FNIP2: variants seen among roughly 807,000 people sequenced by gnomAD.
FNIP2 encodes the protein folliculin-interacting protein 2.
A neutral mutation model predicts 108.7 loss-of-function variants in FNIP2; 32 were observed. The observed-to-expected ratio is 0.29, with a 90% CI of 0.22 to 0.40. FNIP2 has a LOEUF of 0.40. FNIP2 is among the 10% of genes least tolerant of loss of function. FNIP2 has a pLI of 1.00. For missense variants in FNIP2, 1,202 were observed against 1,381.6 expected, an observed-to-expected ratio of 0.87 and a Z score of 2.06; for synonymous variants, 480 against 496.7, an observed-to-expected ratio of 0.97 and a Z score of 0.45.
intron 7 of FNIP2, chr4:158,836,702 G>A: frequency 6.7e-6 from 1 of 149,110 alleles, no homozygotes; most frequent in African/African-American, 2.5e-5. Context: ...TATAGTCCTA[G>A]CTACTCAGGA....
At position 158,826,010 on chromosome 4, in the gene FNIP2, G is replaced by T. The variant is rs1250518766; in HGVS notation, c.202G>T (p.Ala68Ser). The T allele has an allele frequency of 3.7e-6, 6 of 1,608,378 alleles. No individual in the cohort carries two copies. The highest frequency in any genetic ancestry group is 5.1e-6 in the Non-Finnish European group (6 of 1,175,380). Reference sequence around the variant, plus strand: ...CAGACAAGTCTTGTTTGACTCTAAAGCTGTTCAAAAGATTGAGGAGGTGAC... The same window carrying T: ...CAGACAAGTCTTGTTTGACTCTAAATCTGTTCAAAAGATTGAGGAGGTGAC... ...RGRQVLFDSK[A>S]VQKIEEVTAQ... The change falls in exon 2 of 17, where the codon GCT becomes TCT. Residue 68 changes from alanine (A) to serine (S), a missense_variant. Coordinates refer to ENST00000264433, the MANE Select transcript of FNIP2 (RefSeq NM_020840.3).
chr4:158,896,585 A>C (rs1423347435), intron 16 of FNIP2, among the ~76,000 whole-genome samples: 1 of 152,130 alleles, frequency 6.6e-6, no homozygotes, highest in Non-Finnish European at 1.5e-5. Context: ...TAAATTATCT[A>C]AGCCTCCTAA....
At chr4:158,869,472 C>T (rs756151578) in intron 13 of FNIP2, 44 bp downstream of exon 13, 3 of 1,518,824 alleles carry the variant, frequency 2.0e-6, no homozygotes, top group Non-Finnish European at 2.6e-6. Flanking sequence ...GGGTTCAAAT[C>T]CCACTTTCCT....
chr4:158,842,284 T>C (rs928658638), intron 7 of FNIP2, among the ~76,000 whole-genome samples: 1 of 152,174 alleles, frequency 6.6e-6, no homozygotes, highest in Non-Finnish European at 1.5e-5. Flanking sequence ...AAGGAATAAA[T>C]CTAAGAAAAA....
intron 1 of FNIP2, among the ~76,000 whole-genome samples, chr4:158,817,066 C>T (rs1182594334): frequency 1.3e-5 from 2 of 152,122 alleles, no homozygotes; most frequent in Admixed American, 1.3e-4. Flanking sequence ...AAGCGATCCT[C>T]CTGCCTTGGC....
chr4:158,827,634 C>T (rs1232652289), intron 2 of FNIP2, among the ~76,000 whole-genome samples: 1 of 152,132 alleles, frequency 6.6e-6, no homozygotes, highest in Non-Finnish European at 1.5e-5. Flanking sequence ...CCTCGTGTCA[C>T]TTAGGCCCTC....
intron 16 of FNIP2, among the ~76,000 whole-genome samples, chr4:158,902,033 G>T (rs1729340323): frequency 6.6e-6 from 1 of 151,984 alleles, no homozygotes; most frequent in Admixed American, 6.6e-5. Flanking sequence ...TTCCCTTGCT[G>T]GTGAGGAGCT....
At position 158,833,508 on chromosome 4, in the gene FNIP2, C is replaced by G. The variant is rs771684629; in HGVS notation, c.555-20C>G. The G allele has an allele frequency of 1.1e-5, 16 of 1,505,228 alleles. No homozygotes were observed. In the East Asian group the frequency reaches 3.6e-4, roughly 34 times the overall value. 93.2% of individuals were successfully genotyped at this position (1,505,228 alleles called of 1,614,324 possible). On this transcript the variant is annotated intron_variant, in intron 5 of 16. Coordinates refer to ENST00000264433, the MANE Select transcript of FNIP2 (RefSeq NM_020840.3). The stretch of plus-strand genomic sequence containing the variant: ...CGTTTTTGTCCTCTTTCTCCTTTTC[C>G]CCCCCATCTCCGGATATAGCTTGCA...
intron 15 of FNIP2, 47 bp from the exon 16 acceptor site, chr4:158,895,703 A>G (rs1447938379): frequency 8.5e-7 from 1 of 1,171,022 alleles, no homozygotes; most frequent in South Asian, 1.3e-5. Flanking sequence ...AAATATTGGC[A>G]GAGATTTGAC....
intron 1 of FNIP2, among the ~76,000 whole-genome samples, chr4:158,797,379 C>T (rs1414285774): frequency 3.3e-5 from 5 of 152,290 alleles, no homozygotes; most frequent in South Asian, 2.1e-4. Context: ...GATACCAGTA[C>T]GAAGGCTATT....
At chr4:158,895,380 C>A (rs1463776815) in intron 15 of FNIP2, among the ~76,000 whole-genome samples, 1 of 151,998 alleles carries the variant, frequency 6.6e-6, no homozygotes, top group East Asian at 1.9e-4. Flanking sequence ...AATTCACATT[C>A]TCAATATTGT....
At chr4:158,814,081 T>C (rs1777433172) in intron 1 of FNIP2, among the ~76,000 whole-genome samples, 1 of 152,174 alleles carries the variant, frequency 6.6e-6, no homozygotes, top group Non-Finnish European at 1.5e-5. Context: ...TCCTCCTCCT[T>C]TTCTTCCTCC....
At chr4:158,851,257 T>G in intron 7 of FNIP2, 64 bp from the exon 8 acceptor site, 1 of 1,560,374 alleles carries the variant, frequency 6.4e-7, no homozygotes, top group Non-Finnish European at 8.8e-7. Context: ...CTTAATGTTG[T>G]GCATTATGTA....
intron 1 of FNIP2, among the ~76,000 whole-genome samples, chr4:158,773,087 G>C (rs1323687757): frequency 3.3e-5 from 5 of 152,108 alleles, no homozygotes; most frequent in African/African-American, 1.2e-4. Context: ...TTCTGAGGTA[G>C]GGTGGATAAT....
intron 1 of FNIP2, among the ~76,000 whole-genome samples, chr4:158,796,733 T>A (rs1264840090): frequency 6.6e-6 from 1 of 152,226 alleles, no homozygotes; most frequent in Non-Finnish European, 1.5e-5. Context: ...AATGCTCACA[T>A]TTAACATCTC....
intron 1 of FNIP2, among the ~76,000 whole-genome samples, chr4:158,802,350 G>A (rs1302095566): frequency 2.0e-5 from 3 of 151,812 alleles, no homozygotes; most frequent in African/African-American, 7.3e-5. Flanking sequence ...TCTCATTAAT[G>A]TAATGTGAAT....
chr4:158,781,687 G>C (rs1776052663), intron 1 of FNIP2, among the ~76,000 whole-genome samples: 1 of 151,908 alleles, frequency 6.6e-6, no homozygotes, highest in African/African-American at 2.4e-5. Flanking sequence ...GCTAATTTTT[G>C]TATTTTTTTG....
intron 6 of FNIP2, chr4:158,834,888 G>T (rs1778715733): frequency 6.5e-6 from 1 of 154,126 alleles, no homozygotes; most frequent in South Asian, 2.0e-4. Context: ...TTGAAAATGA[G>T]TATAAATGTT....
chr4:158,775,416 A>G lies in FNIP2; in HGVS notation c.107+6097A>G, dbSNP rs555691058. On this transcript the variant is annotated intron_variant, in intron 1 of 16. Transcript: ENST00000264433. ...TATCTCAGATTTATGAAAAATGATT[A>G]TTATGTAAAAAAAGGAAAAACAGGA... Among the ~76,000 whole-genome samples, 187 of 152,304 alleles carry G rather than the reference A, an allele frequency of 1.2e-3. No individual in the cohort carries two copies. The Middle Eastern group carries it at 0.024, about 19-fold the overall frequency.
Sources: allele counts gnomAD v4.1 joint callset (sites outside exome capture counted in the v4.1 genomes callset), GRCh38; gene constraint gnomAD v4.1.1; transcripts MANE v1.5; gene names NCBI Gene and HGNC (gene_info 2026-07-23, HGNC 2026-07-21).